STAT4: variants seen among roughly 807,000 people sequenced by gnomAD.
STAT4 encodes signal transducer and activator of transcription 4.
STAT4 carries 42 observed loss-of-function variants against 110.5 expected under a neutral mutation model. The ratio of observed to expected loss-of-function variants is 0.38; its 90% confidence interval spans 0.30 to 0.49. The LOEUF is 0.49. Among genes scored for constraint, STAT4 ranks in the 20% least tolerant of loss-of-function variants. The pLI is 0.95. For synonymous variants in STAT4, 284 were observed against 302.2 expected, an observed-to-expected ratio of 0.94 and a Z score of 0.63; for missense variants, 632 against 887.9, an observed-to-expected ratio of 0.71 and a Z score of 3.66.
rs1482842261 is a variant in STAT4, at chr2:191,053,774, A to AAATGT, written c.1251+711_1251+715dup. Among the ~76,000 whole-genome samples, 2 of 152,254 alleles carry AAATGT rather than the reference A, an allele frequency of 1.3e-5. No individual in the cohort carries two copies. The highest frequency in any genetic ancestry group is 2.4e-5 in the African/African-American group (1 of 41,466). On this transcript the variant is annotated intron_variant, in intron 14 of 23. Coordinates refer to ENST00000392320, the MANE Select transcript of STAT4 (RefSeq NM_003151.4). The surrounding 1 kb of genome is among the most constrained non-coding windows in gnomAD (Gnocchi z 4.5). Reference sequence around the variant, plus strand: ...CTAAAGAAACTATGGCACACCTATAAAATGTAATGTAATGCAAGCAATGTA... The same window carrying AAATGT: ...CTAAAGAAACTATGGCACACCTATAAAATGTAATGTAATGTAATGCAAGCAATGTA...
At chr2:191,034,980 T>C (rs751618141) in intron 17 of STAT4, among the ~76,000 whole-genome samples, 2 of 152,174 alleles carry the variant, frequency 1.3e-5, no homozygotes, top group Non-Finnish European at 2.9e-5. Context: ...CTGCCTAATG[T>C]CGGTAAATGA....
At position 191,144,151 on chromosome 2, in the gene STAT4, A is replaced by T. The variant is rs546617550; in HGVS notation, c.273+2462T>A. On this transcript the variant is annotated intron_variant, in intron 3 of 23. Coordinates refer to ENST00000392320, the MANE Select transcript of STAT4 (RefSeq NM_003151.4). The surrounding 1 kb of genome is among the most constrained non-coding windows in gnomAD (Gnocchi z 4.7). ...ACTGAGGGTGAGGGAGGGGGGTCAG[A>T]AAAGGAGATCAGCCTTTTACCCTCA... 3.9e-5 allele frequency among the ~76,000 whole-genome samples: 6 copies of T among 152,302 alleles called. No individual in the cohort carries two copies. The South Asian group carries it at 1.2e-3, about 32-fold the overall frequency.
chr2:191,053,759 T>C lies in STAT4; in HGVS notation c.1251+731A>G, dbSNP rs1478059678. ...TTGATAATGGACTGACTAAAGAAAC[T>C]ATGGCACACCTATAAAATGTAATGT... is the stretch of plus-strand genomic sequence containing the variant. On this transcript the variant is annotated intron_variant, in intron 14 of 23. Coordinates refer to ENST00000392320, the MANE Select transcript of STAT4 (RefSeq NM_003151.4). This position sits in a 1 kb window ranked among gnomAD's most constrained non-coding sequence, Gnocchi z 4.5. Among the ~76,000 whole-genome samples the C allele has an allele frequency of 6.6e-6, 1 of 152,208 alleles. No homozygotes were observed. Among genetic ancestry groups the C allele is most frequent in the East Asian group, 1.9e-4 (1 of 5,200 alleles).
rs1474024432 is a variant in STAT4, at chr2:191,053,322, C to G, written c.1251+1168G>C. Among the ~76,000 whole-genome samples, 1 of 152,212 alleles carries G rather than the reference C, an allele frequency of 6.6e-6. No individual in the cohort carries two copies. The highest frequency in any genetic ancestry group is 1.5e-5 in the Non-Finnish European group (1 of 68,026). On this transcript the variant is annotated intron_variant, in intron 14 of 23. Transcript: ENST00000392320. The surrounding 1 kb of genome is among the most constrained non-coding windows in gnomAD (Gnocchi z 4.5). ...TCTGAGCACGGGCTGTTGAGCATGA[C>G]TATCCTGCTCTCTTAGAGGAAAAAA...
chr2:191,100,917 G>T (rs1698133532), intron 3 of STAT4, among the ~76,000 whole-genome samples: 1 of 151,940 alleles, frequency 6.6e-6, no homozygotes, highest in Admixed American at 6.6e-5. Context: ...CCAGAAAAAT[G>T]GACTGGAAAG....
intron 13 of STAT4, among the ~76,000 whole-genome samples, chr2:191,055,810 T>C (rs1231158758): frequency 6.6e-6 from 1 of 152,240 alleles, no homozygotes; most frequent in Non-Finnish European, 1.5e-5. Context: ...ACCTAACTGA[T>C]TTTTGGTGTG....
chr2:191,088,833 G>A (rs566675310), intron 3 of STAT4, among the ~76,000 whole-genome samples: 9 of 152,188 alleles, frequency 5.9e-5, no homozygotes, highest in Non-Finnish European at 1.0e-4. Flanking sequence ...AACAAAGGTG[G>A]TCTTTTCAAC....
At chr2:191,087,052 T>C (rs984802347) in intron 3 of STAT4, among the ~76,000 whole-genome samples, 3 of 152,188 alleles carry the variant, frequency 2.0e-5, no homozygotes, top group African/African-American at 7.2e-5. Context: ...TCTATAGAAA[T>C]GCCTCTTATT....
Position 191,104,982 on chromosome 2 carries a change from G to A in STAT4, c.274-28657C>T, listed in dbSNP as rs1698239029. On this transcript the variant is annotated intron_variant, in intron 3 of 23. Coordinates refer to ENST00000392320, the MANE Select transcript of STAT4 (RefSeq NM_003151.4). The surrounding 1 kb of genome is among the most constrained non-coding windows in gnomAD (Gnocchi z 4.3). ...AATCAGAGTTGGCATTATTTTCAGG[G>A]AGAAGACCTGCTATACCCAAGGCTT... 6.6e-6 allele frequency among the ~76,000 whole-genome samples: 1 copy of A among 152,132 alleles called. No individual in the cohort carries two copies. The highest frequency in any genetic ancestry group is 1.5e-5 in the Non-Finnish European group (1 of 68,026).
intron 16 of STAT4, among the ~76,000 whole-genome samples, chr2:191,036,637 T>G (rs1488028053): frequency 6.6e-6 from 1 of 152,224 alleles, no homozygotes; most frequent in Non-Finnish European, 1.5e-5. Flanking sequence ...GTTGCCCGCT[T>G]GGCCCTCTTC....
At position 191,039,209 on chromosome 2, in the gene STAT4, T is replaced by C. The variant is rs146386562; in HGVS notation, c.1424A>G (p.Asn475Ser). The C allele has an allele frequency of 4.6e-5, 75 of 1,614,092 alleles. No homozygotes were observed. The African/African-American group carries it at 9.2e-4, about 20-fold the overall frequency. ...ASIIWYNVST[N>S]DSQNLVFFNN... ...AGAAATAGAGTCTACCTGGGAATCG[T>C]TGGTTGACACGTTGTACCAAATGAT... Residue 475 changes from asparagine (N) to serine (S), a missense_variant, in exon 16 of 24, where the codon AAC (asparagine) becomes AGC (serine). Around this residue, in one of 4 missense-constraint regions of STAT4, gnomAD observed 488 missense variants for 632.8 expected, o/e 0.77. Coordinates refer to ENST00000392320, the MANE Select transcript of STAT4 (RefSeq NM_003151.4). The surrounding 1 kb of genome is among the most constrained non-coding windows in gnomAD (Gnocchi z 4.7).
At chr2:191,127,188 G>A (rs1023680676) in intron 3 of STAT4, among the ~76,000 whole-genome samples, 5 of 152,112 alleles carry the variant, frequency 3.3e-5, no homozygotes, top group African/African-American at 4.8e-5. Flanking sequence ...CAGACAAGGG[G>A]TGGGTCTTCC....
chr2:191,119,158 A>G (rs1698652208), intron 3 of STAT4, among the ~76,000 whole-genome samples: 2 of 152,248 alleles, frequency 1.3e-5, no homozygotes, highest in African/African-American at 4.8e-5. Flanking sequence ...AGGTATGTGT[A>G]CTTCACCTGT....
At chr2:191,069,010 T>C (rs1417183274) in intron 6 of STAT4, among the ~76,000 whole-genome samples, 1 of 152,094 alleles carries the variant, frequency 6.6e-6, no homozygotes, top group African/African-American at 2.4e-5. Flanking sequence ...TTACTGAAAT[T>C]ATGTTTTTGG....
chr2:191,036,430 TAGTC>T (rs747088859), intron 16 of STAT4, 131 bp from the exon 17 acceptor site: 52 of 944,054 alleles, frequency 5.5e-5, no homozygotes, highest in Admixed American at 2.1e-4. Context: ...TATTAGGTGA[TAGTC>T]AGGCAGTTAA....
chr2:191,032,973 A>T lies in STAT4; in HGVS notation c.2029T>A (p.Ser677Thr), dbSNP rs766821566. The T allele has an allele frequency of 1.2e-6, 2 of 1,613,452 alleles. No homozygotes were observed. Among genetic ancestry groups the T allele is most frequent in the South Asian group, 2.2e-5 (2 of 90,930 alleles). Residue 677 changes from serine (S) to threonine (T), a missense_variant, in exon 21 of 24, where the codon TCT (serine) becomes ACT (threonine). By Grantham distance (58) the Ser-to-Thr change is moderately conservative (BLOSUM62 1). Transcript: ENST00000392320. This position sits in a 1 kb window ranked among gnomAD's most constrained non-coding sequence, Gnocchi z 4.9. ...KDKAFGKHYSSQPCEVSRPTE... is the reference protein window; with the variant it reads ...KDKAFGKHYSTQPCEVSRPTE... Reference sequence around the variant, plus strand: ...AAAACCTAACCTTCGCAAGGCTGAGAGCTGTAGTGTTTACCGAAGGCTTTG... The same window carrying T: ...AAAACCTAACCTTCGCAAGGCTGAGTGCTGTAGTGTTTACCGAAGGCTTTG...
rs1233065554 is a variant in STAT4, at chr2:191,147,694, GA to G, written c.128+381del. 1.3e-5 allele frequency among the ~76,000 whole-genome samples: 2 copies of G among 152,132 alleles called. No individual in the cohort carries two copies. Among genetic ancestry groups the G allele is most frequent in the East Asian group, 1.9e-4 (1 of 5,168 alleles). On this transcript the variant is annotated intron_variant, in intron 2 of 23. Transcript: ENST00000392320. This position sits in a 1 kb window ranked among gnomAD's most constrained non-coding sequence, Gnocchi z 4.1. ...TTTTACCACAATAAAAAAGATGGCT[GA>G]AAAAAATTAAATGGTATAAGGTGAA... is the stretch of plus-strand genomic sequence containing the variant.
At chr2:191,056,886 G>A (rs1696712663) in intron 13 of STAT4, among the ~76,000 whole-genome samples, 2 of 149,568 alleles carry the variant, frequency 1.3e-5, no homozygotes, top group South Asian at 2.1e-4. Flanking sequence ...GGGTTCAAGC[G>A]ATTCTCCTCC....
rs559853611 is a variant in STAT4 at position 191,083,872 on chromosome 2, A to G, written c.274-7547T>C. 2.0e-5 allele frequency among the ~76,000 whole-genome samples: 3 copies of G among 152,320 alleles called. No homozygotes were observed. The South Asian group carries it at 6.2e-4, about 32-fold the overall frequency. On this transcript the variant is annotated intron_variant, in intron 3 of 23. Coordinates refer to ENST00000392320, the MANE Select transcript of STAT4 (RefSeq NM_003151.4). The surrounding 1 kb of genome is among the most constrained non-coding windows in gnomAD (Gnocchi z 4.6). ...GATTTTAGTAATCTTTGATGAAAAA[A>G]AGACAGTTTTAAAATTATTGCTAAA...
Sources: allele counts gnomAD v4.1 joint callset (sites outside exome capture counted in the v4.1 genomes callset), GRCh38; gene constraint gnomAD v4.1.1; regional missense constraint gnomAD v4.1.1; non-coding constraint Gnocchi (gnomAD v3.1); transcripts MANE v1.5; gene names NCBI Gene and HGNC (gene_info 2026-07-23, HGNC 2026-07-21).